Variants in COX10 observed in about 807,000 individuals in gnomAD.
COX10 encodes the protein protoheme IX farnesyltransferase, mitochondrial.
In COX10, 27 loss-of-function variants were observed where a neutral mutation model predicts 37.3. The observed-to-expected ratio is 0.72, with a 90% CI of 0.53 to 1.00. COX10 has a LOEUF of 1.00. COX10 is among the 50% of genes least tolerant of loss of function. COX10 has a pLI of 0.00. For synonymous variants in COX10, 222 were observed against 229.1 expected, an observed-to-expected ratio of 0.97 and a Z score of 0.28; for missense variants, 475 against 563.2, an observed-to-expected ratio of 0.84 and a Z score of 1.59.
chr17:14,185,914 A>T (rs1399384406), intron 5 of COX10, among the ~76,000 whole-genome samples: 1 of 151,812 alleles, frequency 6.6e-6, no homozygotes, highest in African/African-American at 2.4e-5. Flanking sequence ...CCCTCATGTC[A>T]TTAGACCAAA....
chr17:14,116,583 A>C (rs757738227), intron 4 of COX10, among the ~76,000 whole-genome samples: 4 of 152,114 alleles, frequency 2.6e-5, no homozygotes, highest in Non-Finnish European at 4.4e-5. Context: ...TGGAGTCATC[A>C]ATGACTCCTG....
At chr17:14,160,716 C>A (rs1905156385) in intron 5 of COX10, among the ~76,000 whole-genome samples, 1 of 152,050 alleles carries the variant, frequency 6.6e-6, no homozygotes, top group Admixed American at 6.6e-5. Context: ...TTAATCTATG[C>A]AGAAATGATC....
intron 5 of COX10, among the ~76,000 whole-genome samples, chr17:14,164,821 G>A (rs1905242136): frequency 6.6e-6 from 1 of 152,204 alleles, no homozygotes; most frequent in South Asian, 2.1e-4. Flanking sequence ...ATTAAATTGA[G>A]TCAGTGAAAG....
At chr17:14,129,320 ATATAAATAATGTAATATAATAAATGTG>A (rs1330511971) in intron 4 of COX10, among the ~76,000 whole-genome samples, 2 of 151,912 alleles carry the variant, frequency 1.3e-5, no homozygotes. Context: ...ATGTAAATGT[ATATAAATAATGTAATATAATAAATGTG>A]TATAAATAAT....
At chr17:14,151,604 G>A (rs975755801) in intron 4 of COX10, among the ~76,000 whole-genome samples, 2 of 151,054 alleles carry the variant, frequency 1.3e-5, no homozygotes, top group African/African-American at 2.4e-5. Flanking sequence ...ACTTAACCAC[G>A]AGTTTATTTG....
chr17:14,166,785 C>CTTT lies in COX10; in HGVS notation c.695+6858_695+6860dup, dbSNP rs57127092. ...TGCCACCACGCCTGGCTATTTCTTT[C>CTTT]TTTTTTTTTTTTTTTTTTTTTTGTA... On this transcript the variant is annotated intron_variant, in intron 5 of 6. Coordinates refer to ENST00000261643, the MANE Select transcript of COX10 (RefSeq NM_001303.4). Among the ~76,000 whole-genome samples the CTTT allele has an allele frequency of 6.1e-3, 614 of 100,180 alleles. 12 individuals carry two copies. The East Asian group carries it at 0.076, about 12-fold the overall frequency. 65.7% of individuals were successfully genotyped at this position (100,180 alleles called of 152,430 possible).
intron 4 of COX10, among the ~76,000 whole-genome samples, chr17:14,123,720 C>T (rs1293370804): frequency 6.6e-6 from 1 of 152,056 alleles, no homozygotes; most frequent in Non-Finnish European, 1.5e-5. Flanking sequence ...CACTCTCCTG[C>T]AGTGTTAGGC....
chr17:14,201,164 A>AT (rs1233754302), intron 6 of COX10, among the ~76,000 whole-genome samples: 4 of 152,234 alleles, frequency 2.6e-5, no homozygotes, highest in Non-Finnish European at 5.9e-5. Context: ...AAGGAAGGTG[A>AT]GGTCTTTGAA....
intron 5 of COX10, among the ~76,000 whole-genome samples, chr17:14,172,783 G>T (rs569082237): frequency 6.6e-6 from 1 of 151,880 alleles, no homozygotes; most frequent in East Asian, 1.9e-4. Context: ...GAACTCCTGG[G>T]CTCAAGCGTT....
chr17:14,207,320 A>C lies in COX10; in HGVS notation c.*107A>C. The C allele has an allele frequency of 7.2e-7, 1 of 1,389,586 alleles. No homozygotes were observed. The highest frequency in any genetic ancestry group is 1.6e-5 in the South Asian group (1 of 63,888). The allele number at this position is 1,389,586 out of a possible 1,614,324, so 86.1% of individuals were successfully genotyped here. The stretch of plus-strand genomic sequence containing the variant: ...TTGCTGGGTTTAGAACAAGATTATA[A>C]ACGAATTCGGTGCTCAGTGATCACT... On this transcript the variant is annotated 3_prime_UTR_variant, in exon 7 of 7. Transcript: ENST00000261643.
intron 5 of COX10, among the ~76,000 whole-genome samples, chr17:14,174,005 A>T (rs3020880): frequency 6.6e-6 from 1 of 151,830 alleles, no homozygotes; most frequent in East Asian, 1.9e-4. Flanking sequence ...GATAAACTGT[A>T]CTTCATCAAA....
intron 4 of COX10, among the ~76,000 whole-genome samples, chr17:14,120,949 G>T (rs1916215665): frequency 6.6e-6 from 1 of 152,084 alleles, no homozygotes; most frequent in South Asian, 2.1e-4. Flanking sequence ...ACAGGCATTG[G>T]TTATGTTTTC....
intron 5 of COX10, among the ~76,000 whole-genome samples, chr17:14,191,198 C>CT (rs1906190390): frequency 1.3e-5 from 2 of 151,990 alleles, no homozygotes; most frequent in African/African-American, 4.8e-5. Context: ...ACAAAGTCTA[C>CT]TTTTAGAAGT....
chr17:14,189,356 G>A (rs1906132733), intron 5 of COX10, among the ~76,000 whole-genome samples: 1 of 152,140 alleles, frequency 6.6e-6, no homozygotes, highest in Admixed American at 6.5e-5. Flanking sequence ...AAATTGATGT[G>A]GATGGTTTGC....
In COX10 at chr17:14,206,928, C is replaced by A. The variant is rs1356619490; in HGVS notation, c.1047C>A (p.His349Gln). ...RGGYCMMSVT[H>Q]PGLCRRVALR... is the part of the protein sequence containing the mutation. The stretch of plus-strand genomic sequence containing the variant: ...GCTACTGCATGATGTCGGTCACCCA[C>A]CCGGGCCTGTGCCGGCGCGTGGCGC... Residue 349 changes from histidine to glutamine, a missense_variant, in exon 7 of 7, where the codon CAC becomes CAA. Physicochemically the swap from His to Gln is conservative, Grantham distance 24. This residue lies in a region of COX10 where 160 missense variants were observed against 180.6 expected (regional missense o/e 0.89). Coordinates refer to ENST00000261643, the MANE Select transcript of COX10 (RefSeq NM_001303.4). The A allele has an allele frequency of 6.2e-7, 1 of 1,613,784 alleles. No individual in the cohort carries two copies.
At chr17:14,165,076 C>G (rs1324901848) in intron 5 of COX10, among the ~76,000 whole-genome samples, 1 of 152,200 alleles carries the variant, frequency 6.6e-6, no homozygotes, top group African/African-American at 2.4e-5. Context: ...ATGATGCTCA[C>G]AGAATTTCCT....
At chr17:14,139,164 T>G (rs1904468927) in intron 4 of COX10, among the ~76,000 whole-genome samples, 1 of 152,210 alleles carries the variant, frequency 6.6e-6, no homozygotes, top group Admixed American at 6.5e-5. Flanking sequence ...TTCTTGATTT[T>G]TATAAAAAGT....
chr17:14,102,531 G>A (rs528770477), intron 4 of COX10, among the ~76,000 whole-genome samples: 1 of 152,114 alleles, frequency 6.6e-6, no homozygotes, highest in South Asian at 2.1e-4. Flanking sequence ...ACTCTTAGTG[G>A]TATCTTTGTT....
chr17:14,082,643 G>GT (rs760468073), intron 3 of COX10, among the ~76,000 whole-genome samples: 10 of 151,970 alleles, frequency 6.6e-5, no homozygotes, highest in Non-Finnish European at 1.2e-4. Context: ...CAGATGCAGG[G>GT]TTTGATATCT....
Sources: gnomAD v4.1 joint callset for allele counts (sites outside exome capture counted in the v4.1 genomes callset) on GRCh38, gnomAD v4.1.1 for gene constraint, gnomAD v4.1.1 regional missense constraint, MANE v1.5 for transcripts, NCBI Gene and HGNC (gene_info 2026-07-23, HGNC 2026-07-21) for gene names.